Variants in NSD3 observed in about 807,000 individuals in gnomAD.
NSD3 encodes nuclear receptor binding SET domain protein 3, also known as histone-lysine N-methyltransferase NSD3.
NSD3 carries 24 observed loss-of-function variants against 160.8 expected under a neutral mutation model. The observed-to-expected ratio is 0.15, with a 90% CI of 0.11 to 0.21. NSD3 has a LOEUF of 0.21. Among genes scored for constraint, NSD3 ranks in the 10% least tolerant of loss-of-function variants. The pLI, the probability that NSD3 is intolerant of heterozygous loss-of-function variation, is 1.00. For synonymous variants in NSD3, 520 were observed against 600.0 expected (o/e 0.87, Z 1.95); for missense variants, 1,157 against 1,735.9 (o/e 0.67, Z 5.93).
chr8:38,276,065 C>T, intron 23 of NSD3, 183 bp from the exon 24 acceptor site: 3 of 779,178 alleles, frequency 3.9e-6, no homozygotes, highest in Non-Finnish European at 6.0e-6. Context: ...AGCTACTGGC[C>T]AAAACCCAAC....
intron 1 of NSD3, among the ~76,000 whole-genome samples, chr8:38,366,521 T>A (rs572671899): frequency 2.4e-4 from 37 of 151,428 alleles, no homozygotes; most frequent in Admixed American, 7.3e-4. Flanking sequence ...TTCAAGCAAT[T>A]CTCTGCCTCA....
chr8:38,334,403 G>A (rs1018007770), intron 4 of NSD3, among the ~76,000 whole-genome samples: 40 of 152,306 alleles, frequency 2.6e-4, no homozygotes, highest in African/African-American at 9.4e-4. Flanking sequence ...AGATTGTGGT[G>A]ATGGTTGCAC....
At chr8:38,328,895 C>A (rs2150375096) in intron 6 of NSD3, among the ~76,000 whole-genome samples, 1 of 152,320 alleles carries the variant, frequency 6.6e-6, no homozygotes, top group Non-Finnish European at 1.5e-5. Flanking sequence ...TTCTGGGATT[C>A]TCTGAAAGGC....
Position 38,337,453 on chromosome 8 carries a change from T to C in NSD3, c.762A>G (p.Leu254=). The C allele has an allele frequency of 1.9e-6, 3 of 1,593,502 alleles. No individual in the cohort carries two copies. The highest frequency in any genetic ancestry group is 2.6e-6 in the Non-Finnish European group (3 of 1,172,546). ...ACACTTCCGTTGTTGGAACAGAAGA[T>C]AGTATTGGCTGAACCTACAGGAAAG... ...LKEEAPVQPI[L]SSVPTTEVST... The change falls in exon 4 of 24, where the codon CTA becomes CTG. Residue 254 remains leucine, a synonymous_variant. Transcript: ENST00000317025.
chr8:38,317,719 GGCTGGACCCATGATTTAA>G lies in NSD3; in HGVS notation c.1855+1158_1855+1175del, dbSNP rs1809703293. On this transcript the variant is annotated intron_variant, in intron 9 of 23. Transcript: ENST00000317025. This position sits in a 1 kb window ranked among gnomAD's most constrained non-coding sequence, Gnocchi z 5.3. ...AGTGTAAGTTAAATGGTGGTTTTTA[GGCTGGACCCATGATTTAA>G]GCTGTACCCATCCAGCTCAAACCGA... The G allele has an allele frequency of 7.4e-7, 1 of 1,358,356 alleles. No individual in the cohort carries two copies. The highest frequency in any genetic ancestry group is 9.5e-7 in the Non-Finnish European group (1 of 1,053,734). The allele number at this position is 1,358,356 out of a possible 1,614,324, so 84.1% of individuals were successfully genotyped here. A position where few individuals can be genotyped will look rare whatever the true frequency, so the allele number is the denominator to read the frequency against.
Position 38,288,614 on chromosome 8 carries a change from G to A in NSD3, c.3374C>T (p.Pro1125Leu). The A allele has an allele frequency of 1.2e-6, 2 of 1,614,128 alleles. No individual in the cohort carries two copies. Among genetic ancestry groups the A allele is most frequent in the Non-Finnish European group, 1.7e-6 (2 of 1,180,026 alleles). The change falls in exon 19 of 24, where the codon CCG (proline) becomes CTG (leucine). Residue 1125 changes from proline (P) to leucine (L), a missense_variant. Around this residue, in one of 10 missense-constraint regions of NSD3, gnomAD observed 222 missense variants for 409.9 expected, o/e 0.54. Transcript: ENST00000317025. This position sits in a 1 kb window ranked among gnomAD's most constrained non-coding sequence, Gnocchi z 4.5. ...LNRMLQYECH[P>L]QVCPAGDRCQ... ...ACGATCTCCAGCTGGGCACACCTGCGGGTGGCATTCATACTGCAACATTCT... is the reference window on the plus strand; with the variant it reads ...ACGATCTCCAGCTGGGCACACCTGCAGGTGGCATTCATACTGCAACATTCT...
chr8:38,297,305 A>C (rs1415147341), intron 15 of NSD3, among the ~76,000 whole-genome samples: 1 of 152,364 alleles, frequency 6.6e-6, no homozygotes, highest in Non-Finnish European at 1.5e-5. Flanking sequence ...AAGAAATATG[A>C]AATTCTGGGA....
intron 15 of NSD3, among the ~76,000 whole-genome samples, chr8:38,296,923 A>G (rs753147346): frequency 2.6e-5 from 4 of 152,108 alleles, no homozygotes; most frequent in Non-Finnish European, 4.4e-5. Context: ...TTTATTAACC[A>G]AAGAAATATA....
Position 38,317,771 on chromosome 8 carries a change from A to G in NSD3, c.1855+1124T>C. On this transcript the variant is annotated intron_variant, in intron 9 of 23. Coordinates refer to ENST00000317025, the MANE Select transcript of NSD3 (RefSeq NM_023034.2). This position sits in a 1 kb window ranked among gnomAD's most constrained non-coding sequence, Gnocchi z 5.3. The stretch of plus-strand genomic sequence containing the variant: ...CATCCAGCTCAAACCGAAAAAAAAA[A>G]ATCATTTGACTGTTAAAGCAATTGT... The G allele has an allele frequency of 7.0e-7, 1 of 1,418,578 alleles. No homozygotes were observed. Among genetic ancestry groups the G allele is most frequent in the East Asian group, 2.6e-5 (1 of 38,790 alleles). The allele number at this position is 1,418,578 out of a possible 1,614,324, so 87.9% of individuals were successfully genotyped here. A position where few individuals can be genotyped will look rare whatever the true frequency, so the allele number is the denominator to read the frequency against.
In NSD3 at chr8:38,318,946, T is replaced by C. The variant is rs757003869; in HGVS notation, c.1810-6A>G. 1 of 1,606,472 alleles carries C rather than the reference T, an allele frequency of 6.2e-7. No homozygotes were observed. The highest frequency in any genetic ancestry group is 8.5e-7 in the Non-Finnish European group (1 of 1,177,710). On this transcript the variant is annotated splice_polypyrimidine_tract_variant and splice_region_variant and intron_variant, in intron 8 of 23. Coordinates refer to ENST00000317025, the MANE Select transcript of NSD3 (RefSeq NM_023034.2). The surrounding 1 kb of genome is among the most constrained non-coding windows in gnomAD (Gnocchi z 5.3). ...GCCTGAGGAACTGTTTCAACCTGTT[T>C]GGACAGAAAAATACAGCATTAACAA... is the stretch of plus-strand genomic sequence containing the variant.
intron 19 of NSD3, among the ~76,000 whole-genome samples, chr8:38,287,818 A>G (rs1365959840): frequency 1.3e-5 from 2 of 152,030 alleles, no homozygotes; most frequent in Non-Finnish European, 2.9e-5. Context: ...ACGCCCGGCT[A>G]ATTTTTTGTA....
chr8:38,371,105 T>C (rs1811234682), intron 1 of NSD3, among the ~76,000 whole-genome samples: 1 of 151,914 alleles, frequency 6.6e-6, no homozygotes, highest in African/African-American at 2.4e-5. Flanking sequence ...TTTCATAATA[T>C]ATTAAATAAT....
chr8:38,378,697 C>G (rs1324639772), intron 1 of NSD3, among the ~76,000 whole-genome samples: 1 of 151,598 alleles, frequency 6.6e-6, no homozygotes, highest in African/African-American at 2.4e-5. Flanking sequence ...GTGGCGTGTG[C>G]CTGTAATCCC....
In NSD3 at chr8:38,333,262, C is replaced by T. The variant is rs1360545919; in HGVS notation, c.911-1677G>A. On this transcript the variant is annotated intron_variant, in intron 4 of 23. Transcript: ENST00000317025. ...TTTTAATCTGTATTTTCAACTTCTT[C>T]CCCCATTAAATCATTTACTAGAGAG... Among the ~76,000 whole-genome samples the T allele has an allele frequency of 2.0e-5, 3 of 152,134 alleles. No individual in the cohort carries two copies. In the East Asian group the frequency reaches 5.8e-4, roughly 29 times the overall value.
rs568653386 is a variant in NSD3 at position 38,322,377 on chromosome 8, C to T, written c.1709-1205G>A. ...ACTCTCACTCTTCTCCTTACACTGA[C>T]GAAAATGTTTACTAAGACAGCAGAT... On this transcript the variant is annotated intron_variant, in intron 7 of 23. Transcript: ENST00000317025. Among the ~76,000 whole-genome samples the T allele has an allele frequency of 1.8e-4, 27 of 152,218 alleles. No homozygotes were observed. The East Asian group carries it at 2.7e-3, about 15-fold the overall frequency.
At chr8:38,370,136 G>T (rs552407731) in intron 1 of NSD3, among the ~76,000 whole-genome samples, 1 of 152,198 alleles carries the variant, frequency 6.6e-6, no homozygotes, top group Non-Finnish European at 1.5e-5. Flanking sequence ...AACGGCTTAA[G>T]CGAACATAAC....
intron 19 of NSD3, among the ~76,000 whole-genome samples, chr8:38,287,136 G>C (rs1351600038): frequency 6.6e-6 from 1 of 152,154 alleles, no homozygotes; most frequent in Non-Finnish European, 1.5e-5. Context: ...TTCACTTCGA[G>C]CAATCTGACC....
chr8:38,369,620 G>A (rs532615292), intron 1 of NSD3, among the ~76,000 whole-genome samples: 7 of 152,056 alleles, frequency 4.6e-5, no homozygotes, highest in South Asian at 2.1e-4. Flanking sequence ...ACAGTTCTAC[G>A]CACACTCTAG....
intron 7 of NSD3, among the ~76,000 whole-genome samples, chr8:38,323,046 T>TTTTTC (rs769061068): frequency 1.9e-4 from 29 of 152,088 alleles, no homozygotes; most frequent in African/African-American, 5.8e-4. Context: ...AATTAAGTTT[T>TTTTTC]TTTTCTTTTC....
Sources: gnomAD v4.1 joint callset for allele counts (sites outside exome capture counted in the v4.1 genomes callset) on GRCh38, gnomAD v4.1.1 for gene constraint, gnomAD v4.1.1 regional missense constraint, Gnocchi (gnomAD v3.1) non-coding constraint, MANE v1.5 for transcripts, NCBI Gene and HGNC (gene_info 2026-07-23, HGNC 2026-07-21) for gene names.